The following CDH13 variants were observed in gnomAD, a reference collection of about 807,000 sequenced individuals.
The protein encoded by CDH13 is cadherin-13.
A neutral mutation model predicts 63.8 loss-of-function variants in CDH13; 24 were observed. That is an observed-to-expected ratio of 0.38 (90% CI 0.27 to 0.53). The LOEUF (loss-of-function observed/expected upper bound fraction) is 0.53. CDH13 is among the 20% of genes least tolerant of loss of function. The probability of loss-of-function intolerance (pLI) is 0.85; values close to 1 mark genes in which losing one functional copy is unlikely to be tolerated. For missense variants in CDH13, 1,049 were observed against 903.1 expected (o/e 1.16, Z -2.07); for synonymous variants, 503 against 355.3 (o/e 1.42, Z -4.67).
chr16:83,447,096 CTTTTTT>C (rs750432481), intron 6 of CDH13, among the ~76,000 whole-genome samples: 23 of 41,512 alleles, frequency 5.5e-4, no homozygotes, highest in Admixed American at 7.8e-4. Flanking sequence ...TTATAGTAAC[CTTTTTT>C]TTTTTTTTTT....
At chr16:83,372,749 TAAAAAAAAAA>T (rs35480546) in intron 6 of CDH13, among the ~76,000 whole-genome samples, 1 of 95,574 alleles carries the variant, frequency 1.0e-5, no homozygotes, top group Non-Finnish European at 2.0e-5. Flanking sequence ...AGACTCGGTC[TAAAAAAAAAA>T]AAAAAAAAAA....
At chr16:83,064,350 C>T (rs536955104) in intron 3 of CDH13, among the ~76,000 whole-genome samples, 7 of 109,864 alleles carry the variant, frequency 6.4e-5, no homozygotes, top group African/African-American at 2.3e-4. Flanking sequence ...GCCTGGGTGA[C>T]AAAGTGAGAC....
chr16:83,131,959 A>G (rs1020793825), intron 4 of CDH13, among the ~76,000 whole-genome samples: 3 of 152,198 alleles, frequency 2.0e-5, no homozygotes, highest in Admixed American at 6.5e-5. Flanking sequence ...TAAGTCAGAC[A>G]TGACGGTAAT....
intron 1 of CDH13, among the ~76,000 whole-genome samples, chr16:82,813,018 A>G (rs373419910): frequency 1.1e-3 from 160 of 152,250 alleles, no homozygotes; most frequent in Middle Eastern, 6.8e-3. Context: ...AGTTGAATCA[A>G]TGAAAAACTG....
At chr16:83,210,193 T>C (rs1359105954) in intron 4 of CDH13, among the ~76,000 whole-genome samples, 1 of 151,926 alleles carries the variant, frequency 6.6e-6, no homozygotes, top group African/African-American at 2.4e-5. Flanking sequence ...GCCTCCCGAG[T>C]AACTGGGACT....
chr16:83,617,390 C>T (rs1325364397), intron 8 of CDH13, among the ~76,000 whole-genome samples: 2 of 151,922 alleles, frequency 1.3e-5, no homozygotes, highest in African/African-American at 4.8e-5. Context: ...TATGCACATA[C>T]CCTAATATGC....
intron 2 of CDH13, among the ~76,000 whole-genome samples, chr16:82,933,729 C>G (rs565203506): frequency 6.6e-6 from 1 of 152,298 alleles, no homozygotes; most frequent in East Asian, 1.9e-4. Flanking sequence ...GGTAAATATG[C>G]TCATTCCAAA....
intron 6 of CDH13, among the ~76,000 whole-genome samples, chr16:83,458,389 A>G (rs968060522): frequency 2.0e-5 from 3 of 152,096 alleles, no homozygotes; most frequent in Non-Finnish European, 2.9e-5. Flanking sequence ...CCTCCCCAAC[A>G]CTTCCCAACA....
At chr16:83,368,655 C>T (rs1185685908) in intron 6 of CDH13, among the ~76,000 whole-genome samples, 1 of 142,510 alleles carries the variant, frequency 7.0e-6, no homozygotes, top group Non-Finnish European at 1.6e-5. Context: ...TGTGTAGTCT[C>T]GTATCCGTTG....
At chr16:83,692,242 A>T (rs537443292) in intron 10 of CDH13, among the ~76,000 whole-genome samples, 57 of 152,210 alleles carry the variant, frequency 3.7e-4, no homozygotes, top group Non-Finnish European at 7.8e-4. Context: ...TTCATTGCTG[A>T]TAGCCACAGC....
intron 2 of CDH13, among the ~76,000 whole-genome samples, chr16:82,955,766 T>G (rs1025803062): frequency 1.6e-4 from 24 of 152,330 alleles, no homozygotes; most frequent in African/African-American, 5.5e-4. Context: ...AAGCAGCTAC[T>G]GCATTCCGAT....
At chr16:83,507,857 A>AC (rs11449551) in intron 7 of CDH13, among the ~76,000 whole-genome samples, 102,403 of 150,684 alleles carry the variant, frequency 0.68, 35,581 homozygotes, top group East Asian at 0.89. Context: ...ACATAGTAAA[A>AC]CCCGTCTCTA....
intron 7 of CDH13, among the ~76,000 whole-genome samples, chr16:83,525,067 G>A (rs2074929323): frequency 6.6e-6 from 1 of 152,126 alleles, no homozygotes; most frequent in Non-Finnish European, 1.5e-5. Flanking sequence ...TGCACACAGT[G>A]GAATCAAACG....
Position 83,000,230 on chromosome 16 carries a change from T to A in CDH13, c.158-31780T>A, listed in dbSNP as rs1376485879. 1.8e-4 allele frequency among the ~76,000 whole-genome samples: 14 copies of A among 78,636 alleles called. No individual in the cohort carries two copies. In the South Asian group the frequency reaches 2.2e-3, roughly 12 times the overall value. 51.6% of individuals were successfully genotyped at this position (78,636 alleles called of 152,430 possible). On this transcript the variant is annotated intron_variant, in intron 2 of 13. Coordinates refer to ENST00000567109, the MANE Select transcript of CDH13 (RefSeq NM_001257.5). ...TATCCACAGGTTTAGCTTATTTTTT[T>A]TTTTTTTTTTTTTTTTTTTTTTTTT... is the stretch of plus-strand genomic sequence containing the variant.
rs145120737 is a variant in CDH13, at chr16:83,569,205, C to G, written c.961-33249C>G. 3.5e-3 allele frequency among the ~76,000 whole-genome samples: 533 copies of G among 152,254 alleles called. 4 individuals carry two copies. The highest frequency in any genetic ancestry group is 0.012 in the African/African-American group (501 of 41,562). On this transcript the variant is annotated intron_variant, in intron 7 of 13. Coordinates refer to ENST00000567109, the MANE Select transcript of CDH13 (RefSeq NM_001257.5). ...TGCACTCTTTCCTTCCCTCGTCCACCTGGGAGACTCCTGCTGATCTTTTCA... is the reference window on the plus strand; with the variant it reads ...TGCACTCTTTCCTTCCCTCGTCCACGTGGGAGACTCCTGCTGATCTTTTCA...
chr16:83,606,242 C>T (rs551474015), intron 8 of CDH13, among the ~76,000 whole-genome samples: 2 of 152,194 alleles, frequency 1.3e-5, no homozygotes, highest in Middle Eastern at 3.4e-3. Flanking sequence ...TAGGACATTT[C>T]GAAGTTGATA....
rs118133336 is a variant in CDH13 at position 82,726,752 on chromosome 16, G to A, written c.45+99615G>A. On this transcript the variant is annotated intron_variant, in intron 1 of 13. Transcript: ENST00000567109. ...AAGTGCCTTAAACAGTATCTGGTGC[G>A]TAGCACCCCCTTGAGAAATACTAGC... 1.1e-3 allele frequency among the ~76,000 whole-genome samples: 162 copies of A among 152,336 alleles called. 1 individual carries two copies. In the East Asian group the frequency reaches 0.024, roughly 22 times the overall value.
chr16:83,644,692 G>C (rs1389550220), intron 8 of CDH13, among the ~76,000 whole-genome samples: 2 of 152,198 alleles, frequency 1.3e-5, no homozygotes, highest in East Asian at 3.8e-4. Context: ...AACGCATCTG[G>C]TACTCAAGCG....
At chr16:83,547,727 T>A (rs1036510350) in intron 7 of CDH13, among the ~76,000 whole-genome samples, 2 of 152,204 alleles carry the variant, frequency 1.3e-5, no homozygotes, top group Non-Finnish European at 2.9e-5. Context: ...TGCTTCCATG[T>A]CTTTGCTATA....
Sources: allele counts gnomAD v4.1 joint callset (sites outside exome capture counted in the v4.1 genomes callset), GRCh38; gene constraint gnomAD v4.1.1; transcripts MANE v1.5; gene names NCBI Gene and HGNC (gene_info 2026-07-23, HGNC 2026-07-21).